Variants in ZDHHC2 observed in about 807,000 individuals in gnomAD.
ZDHHC2 encodes zDHHC palmitoyltransferase 2, also known as palmitoyltransferase ZDHHC2.
ZDHHC2 carries 51 observed loss-of-function variants against 55.6 expected under a neutral mutation model. That is an observed-to-expected ratio of 0.92 (90% CI 0.73 to 1.16). ZDHHC2 has a LOEUF of 1.16. ZDHHC2 is among the 50% of genes most tolerant of loss of function. The pLI is 0.00. For synonymous variants in ZDHHC2, 199 were observed against 152.9 expected, an observed-to-expected ratio of 1.30 and a Z score of -2.22; for missense variants, 491 against 442.4, an observed-to-expected ratio of 1.11 and a Z score of -0.99.
intron 3 of ZDHHC2, among the ~76,000 whole-genome samples, chr8:17,189,298 C>G (rs927102557): frequency 1.3e-5 from 2 of 151,950 alleles, no homozygotes; most frequent in African/African-American, 4.8e-5. Flanking sequence ...ACCCCACTAC[C>G]CTCGGCTTTC....
At position 17,184,814 on chromosome 8, in the gene ZDHHC2, A is replaced by G; in HGVS notation, c.156A>G (p.Gln52=). The change falls in exon 2 of 13, where the codon CAA becomes CAG. Residue 52 remains glutamine (Q), a splice_region_variant and synonymous_variant. Coordinates refer to ENST00000262096, the MANE Select transcript of ZDHHC2 (RefSeq NM_016353.5). ...CIVSMENTGE[Q]VVCLMAYHLL... ...TGTCCATGGAAAACACTGGCGAACA[A>G]GGTAAGCTAGATTATATTAATGTTA... The G allele has an allele frequency of 6.5e-7, 1 of 1,548,758 alleles. No homozygotes were observed. The highest frequency in any genetic ancestry group is 2.4e-5 in the East Asian group (1 of 41,066).
intron 6 of ZDHHC2, among the ~76,000 whole-genome samples, chr8:17,200,308 A>G (rs913187420): frequency 7.2e-5 from 11 of 152,220 alleles, no homozygotes; most frequent in Non-Finnish European, 1.5e-4. Context: ...TCATACCTCC[A>G]GGGGCAACCC....
intron 4 of ZDHHC2, among the ~76,000 whole-genome samples, 151 bp downstream of exon 4, chr8:17,195,775 G>A (rs1042686607): frequency 6.6e-6 from 1 of 152,192 alleles, no homozygotes; most frequent in Non-Finnish European, 1.5e-5. Context: ...TTTCCTGTGT[G>A]ATTCCATAAA....
intron 8 of ZDHHC2, among the ~76,000 whole-genome samples, chr8:17,209,554 T>C (rs1222196805): frequency 6.6e-6 from 1 of 152,120 alleles, no homozygotes; most frequent in Non-Finnish European, 1.5e-5. Flanking sequence ...AGTCTGATTG[T>C]GGTTTTCTTA....
At chr8:17,187,963 T>C (rs1805802359) in intron 3 of ZDHHC2, among the ~76,000 whole-genome samples, 1 of 152,264 alleles carries the variant, frequency 6.6e-6, no homozygotes, top group South Asian at 2.1e-4. Context: ...ATGGGCAGTT[T>C]ATCACTGCTC....
At chr8:17,179,470 G>A (rs1805324696) in intron 1 of ZDHHC2, among the ~76,000 whole-genome samples, 1 of 152,112 alleles carries the variant, frequency 6.6e-6, no homozygotes, top group African/African-American at 2.4e-5. Context: ...GTACAGTGAT[G>A]TGATCATAGC....
chr8:17,182,376 TAAG>T (rs1460021665), intron 1 of ZDHHC2, among the ~76,000 whole-genome samples: 1 of 152,090 alleles, frequency 6.6e-6, no homozygotes, highest in African/African-American at 2.4e-5. Flanking sequence ...GCACTAATAA[TAAG>T]GGAAATGAAT....
chr8:17,208,004 ATTC>A lies in ZDHHC2; in HGVS notation c.645_647del (p.Phe216del). 6.3e-7 allele frequency: 1 copy of A among 1,593,672 alleles called. No individual in the cohort carries two copies. The highest frequency in any genetic ancestry group is 8.6e-7 in the Non-Finnish European group (1 of 1,169,150). ...AAGCCAAGTTCCATATTATGTTTTT[ATTC>A]TTTGCTGCAGCTATGTTTTCTGTCA... On this transcript the variant is annotated inframe_deletion, in exon 8 of 13. Coordinates refer to ENST00000262096, the MANE Select transcript of ZDHHC2 (RefSeq NM_016353.5).
At chr8:17,167,488 A>T (rs1804660713) in intron 1 of ZDHHC2, among the ~76,000 whole-genome samples, 4 of 151,758 alleles carry the variant, frequency 2.6e-5, no homozygotes, top group Admixed American at 2.6e-4. Context: ...CCATTTTTGT[A>T]GAGACGGGGT....
At chr8:17,205,333 A>C (rs1807046056) in intron 6 of ZDHHC2, among the ~76,000 whole-genome samples, 1 of 152,182 alleles carries the variant, frequency 6.6e-6, no homozygotes, top group African/African-American at 2.4e-5. Context: ...TAGTAAATTC[A>C]CCTAAGCTGC....
At chr8:17,213,039 C>A (rs2150947595) in intron 10 of ZDHHC2, among the ~76,000 whole-genome samples, 1 of 152,192 alleles carries the variant, frequency 6.6e-6, no homozygotes, top group East Asian at 1.9e-4. Flanking sequence ...AGACACAGAT[C>A]TTGCTGTTCC....
intron 1 of ZDHHC2, among the ~76,000 whole-genome samples, chr8:17,164,279 C>G (rs1404696080): frequency 2.0e-5 from 3 of 152,208 alleles, no homozygotes; most frequent in Non-Finnish European, 4.4e-5. Flanking sequence ...GAGATACTCA[C>G]AAGCAAAATT....
In ZDHHC2 at chr8:17,210,482, T is replaced by A; in HGVS notation, c.950+2T>A. ...AGGGCTGAATTCCACAGCTAAAAAG[T>A]AATCTCATATTTTTTTTCATTTTAC... On this transcript the variant is annotated splice_donor_variant, in intron 10 of 12. Coordinates refer to ENST00000262096, the MANE Select transcript of ZDHHC2 (RefSeq NM_016353.5). LOFTEE classifies it high-confidence loss of function. 2.5e-6 allele frequency: 4 copies of A among 1,600,178 alleles called. No individual in the cohort carries two copies. The highest frequency in any genetic ancestry group is 3.4e-6 in the Non-Finnish European group (4 of 1,174,714).
At chr8:17,171,331 A>G (rs752579094) in intron 1 of ZDHHC2, among the ~76,000 whole-genome samples, 13 of 152,150 alleles carry the variant, frequency 8.5e-5, no homozygotes, top group Non-Finnish European at 1.6e-4. Flanking sequence ...GGATTATAGG[A>G]TTCCATTGAG....
chr8:17,174,847 A>G (rs1348117599), intron 1 of ZDHHC2, among the ~76,000 whole-genome samples: 1 of 151,482 alleles, frequency 6.6e-6, no homozygotes, highest in African/African-American at 2.4e-5. Context: ...ACTAGCTGGC[A>G]TCACAGGTGT....
At chr8:17,194,673 G>GT (rs1436711635) in intron 3 of ZDHHC2, among the ~76,000 whole-genome samples, 14 of 152,060 alleles carry the variant, frequency 9.2e-5, no homozygotes, top group African/African-American at 2.9e-4. Flanking sequence ...ATGTTGTTCA[G>GT]TATACTGAGG....
chr8:17,174,358 A>C (rs1369629848), intron 1 of ZDHHC2, among the ~76,000 whole-genome samples: 1 of 152,210 alleles, frequency 6.6e-6, no homozygotes, highest in African/African-American at 2.4e-5. Context: ...CTTTGTTATG[A>C]CAGCTGTAGC....
intron 3 of ZDHHC2, among the ~76,000 whole-genome samples, chr8:17,191,386 T>G (rs1178568336): frequency 6.6e-6 from 1 of 152,212 alleles, no homozygotes; most frequent in Non-Finnish European, 1.5e-5. Flanking sequence ...CATAAGCCAC[T>G]GCGCCCAGCC....
intron 6 of ZDHHC2, among the ~76,000 whole-genome samples, chr8:17,203,112 T>G (rs1205709359): frequency 1.5e-5 from 2 of 137,532 alleles, no homozygotes; most frequent in Non-Finnish European, 3.0e-5. Context: ...CAGGCTGGAG[T>G]GCAGTGGTGA....
Sources: gnomAD v4.1 joint callset for allele counts (sites outside exome capture counted in the v4.1 genomes callset) on GRCh38, gnomAD v4.1.1 for gene constraint, MANE v1.5 for transcripts, NCBI Gene and HGNC (gene_info 2026-07-23, HGNC 2026-07-21) for gene names.